Variants in CASP6 observed in about 807,000 individuals in gnomAD.
The protein encoded by CASP6 is caspase 6, also known as caspase-6.
A neutral mutation model predicts 31.8 loss-of-function variants in CASP6; 20 were observed. The observed-to-expected ratio is 0.63, with a 90% confidence interval of 0.44 to 0.91. CASP6 has a LOEUF of 0.91. Among genes scored for constraint, CASP6 ranks in the 40% least tolerant of loss-of-function variants. The pLI, the probability that CASP6 is intolerant of heterozygous loss-of-function variation, is 0.00. For missense variants in CASP6, 328 were observed against 361.1 expected, an observed-to-expected ratio of 0.91 and a Z score of 0.74; for synonymous variants, 130 against 127.8, an observed-to-expected ratio of 1.02 and a Z score of -0.12.
chr4:109,697,501 A>T, intron 3 of CASP6, 121 bp downstream of exon 3: 2 of 1,113,668 alleles, frequency 1.8e-6, no homozygotes, highest in Non-Finnish European at 1.3e-6. Flanking sequence ...TCCTTGCCTT[A>T]AGTGATCCTC....
At chr4:109,706,168 T>TATATATATATATATATAC (rs1438834395), upstream of CASP6, among the ~76,000 whole-genome samples, 58 of 92,464 alleles carry the variant, frequency 6.3e-4, 2 homozygotes, top group African/African-American at 8.6e-4. Flanking sequence ...TATATATATA[T>TATATATATATATATATAC]ATACACACAC....
the CASP6 span, among the ~76,000 whole-genome samples, chr4:109,680,417 GCA>G: frequency 7.2e-5 from 11 of 152,188 alleles, no homozygotes; most frequent in African/African-American, 2.7e-4. Flanking sequence ...AGTCATCTCT[GCA>G]CAAATTGAAG....
upstream of CASP6, chr4:109,703,563 G>T (rs1730504961): frequency 2.4e-6 from 2 of 823,488 alleles, no homozygotes; most frequent in East Asian, 2.8e-5. Flanking sequence ...GATCGGGCTG[G>T]TCCTTCCCAG....
the CASP6 span, among the ~76,000 whole-genome samples, chr4:109,671,519 A>C: frequency 6.6e-6 from 1 of 152,132 alleles, no homozygotes; most frequent in Non-Finnish European, 1.5e-5. Context: ...TGATGAGCCC[A>C]TCAAAGGCAT....
At chr4:109,684,456 TAGA>T (rs756484831), downstream of CASP6, 18 of 1,611,460 alleles carry the variant, frequency 1.1e-5, no homozygotes, top group South Asian at 1.2e-4. Flanking sequence ...AAAGCTGGAA[TAGA>T]AGCTCATTCG....
chr4:109,704,042 G>A (rs5030514), upstream of CASP6, among the ~76,000 whole-genome samples: 3,666 of 152,202 alleles, frequency 0.024, 173 homozygotes, highest in African/African-American at 0.084. Flanking sequence ...AAAGGAAGGG[G>A]AAATTAATCC....
At chr4:109,707,225 C>T (rs74977959), upstream of CASP6, among the ~76,000 whole-genome samples, 1,038 of 152,262 alleles carry the variant, frequency 6.8e-3, 12 homozygotes, top group African/African-American at 0.024. Context: ...GAACCAAACT[C>T]GAAATCCCTC....
the CASP6 span, chr4:109,674,069 C>G: frequency 1.4e-6 from 2 of 1,424,148 alleles, no homozygotes; most frequent in Admixed American, 3.4e-5. Context: ...GGAGCAATGA[C>G]TGTTGGTATG....
the CASP6 span, among the ~76,000 whole-genome samples, chr4:109,677,158 T>A: frequency 6.6e-6 from 1 of 152,274 alleles, no homozygotes; most frequent in Admixed American, 6.5e-5. Flanking sequence ...TAATGTTGTT[T>A]ACTACCCTGT....
downstream of CASP6, chr4:109,685,201 T>A: frequency 1.3e-6 from 1 of 788,020 alleles, no homozygotes; most frequent in Non-Finnish European, 2.2e-6. Context: ...GCAGAGGCAT[T>A]ATGTTCATTC....
chr4:109,682,176 C>G, the CASP6 span, among the ~76,000 whole-genome samples: 4 of 152,220 alleles, frequency 2.6e-5, no homozygotes, highest in African/African-American at 9.6e-5. Flanking sequence ...GGAAATCCAG[C>G]TAGTTCTGTC....
chr4:109,704,116 C>A (rs1261449382), upstream of CASP6, among the ~76,000 whole-genome samples: 1 of 152,224 alleles, frequency 6.6e-6, no homozygotes, highest in Non-Finnish European at 1.5e-5. Context: ...CCTCCTGGGG[C>A]CTCCCTATTC....
chr4:109,684,375 A>T, downstream of CASP6: 2 of 1,316,092 alleles, frequency 1.5e-6, no homozygotes, highest in Non-Finnish European at 2.1e-6. Flanking sequence ...GTTCCTTTTC[A>T]TCTTGCTTTT....
chr4:109,703,543 G>A, upstream of CASP6: 1 of 999,360 alleles, frequency 1.0e-6, no homozygotes, highest in African/African-American at 1.7e-5. Flanking sequence ...GCGCCGCCCG[G>A]GCTCCCGTGG....
chr4:109,678,447 G>A, the CASP6 span, among the ~76,000 whole-genome samples: 2 of 145,334 alleles, frequency 1.4e-5, no homozygotes, highest in African/African-American at 5.1e-5. Flanking sequence ...TGGGCGGGCG[G>A]GCAGAGACGC....
At chr4:109,670,212 C>T in the CASP6 span, among the ~76,000 whole-genome samples, 2 of 152,200 alleles carry the variant, frequency 1.3e-5, no homozygotes, top group African/African-American at 2.4e-5. Context: ...GACTAGGTCT[C>T]AGTCTTTTAG....
chr4:109,674,850 T>C, the CASP6 span, among the ~76,000 whole-genome samples: 1 of 152,274 alleles, frequency 6.6e-6, no homozygotes, highest in Admixed American at 6.5e-5. Flanking sequence ...ATGAACACTT[T>C]TTAAATGTGT....
At chr4:109,706,184 TAC>T (rs1216833710), upstream of CASP6, among the ~76,000 whole-genome samples, 1 of 113,744 alleles carries the variant, frequency 8.8e-6, no homozygotes, top group Non-Finnish European at 1.7e-5. Flanking sequence ...CACACACATA[TAC>T]ACACACACAT....
intron 1 of CASP6, among the ~76,000 whole-genome samples, chr4:109,700,730 CAG>C (rs1437853501): frequency 1.3e-5 from 2 of 152,156 alleles, no homozygotes; most frequent in Non-Finnish European, 2.9e-5. Context: ...CCTGCAGTAC[CAG>C]TTAATGACCA....
Sources: allele counts gnomAD v4.1 joint callset (sites outside exome capture counted in the v4.1 genomes callset), GRCh38; gene constraint gnomAD v4.1.1; transcripts MANE v1.5; gene names NCBI Gene and HGNC (gene_info 2026-07-23, HGNC 2026-07-21).